The following XKR9 variants were observed in gnomAD, a reference collection of about 807,000 sequenced individuals.
XKR9 encodes the protein XK-related protein 9.
A neutral mutation model predicts 32.0 loss-of-function variants in XKR9; 32 were observed. The ratio of observed to expected loss-of-function variants is 1.00; its 90% CI spans 0.76 to 1.34. The LOEUF (loss-of-function observed/expected upper bound fraction) is 1.34, where lower values mean the gene tolerates loss of function less well. Among genes scored for constraint, XKR9 ranks in the 40% most tolerant of loss-of-function variants. The pLI, the probability that XKR9 is intolerant of heterozygous loss-of-function variation, is 0.00. For missense variants in XKR9, 546 were observed against 429.7 expected (o/e 1.27, Z -2.39); for synonymous variants, 168 against 143.4 (o/e 1.17, Z -1.22).
the XKR9 span, among the ~76,000 whole-genome samples, chr8:71,064,331 T>G: frequency 6.6e-6 from 1 of 152,174 alleles, no homozygotes; most frequent in African/African-American, 2.4e-5. Flanking sequence ...TAAAAATTAA[T>G]AATACCAGTA....
At chr8:70,670,814 A>G (rs1818691325) in intron 1 of XKR9, among the ~76,000 whole-genome samples, 1 of 152,192 alleles carries the variant, frequency 6.6e-6, no homozygotes, top group African/African-American at 2.4e-5. Context: ...AAAGTAACCA[A>G]ATCTCCTACA....
the XKR9 span, among the ~76,000 whole-genome samples, chr8:71,039,037 C>A: frequency 6.6e-6 from 1 of 151,990 alleles, no homozygotes. Flanking sequence ...CTCCTGACCT[C>A]AAGTGATCCG....
chr8:70,936,471 C>T, the XKR9 span, among the ~76,000 whole-genome samples: 1 of 152,026 alleles, frequency 6.6e-6, no homozygotes. Flanking sequence ...TTTTCATGAA[C>T]TCTCTGTGGG....
At chr8:71,034,075 TGGTGAAATGTGA>T in the XKR9 span, among the ~76,000 whole-genome samples, 1 of 152,216 alleles carries the variant, frequency 6.6e-6, no homozygotes. Flanking sequence ...CCATAGAGTA[TGGTGAAATGTGA>T]CTTCTGAGGC....
chr8:71,041,305 G>A, the XKR9 span, among the ~76,000 whole-genome samples: 1 of 152,150 alleles, frequency 6.6e-6, no homozygotes, highest in Admixed American at 6.5e-5. Flanking sequence ...CCAAGTGTCT[G>A]CCTATGTTTG....
chr8:71,017,280 AAC>A, the XKR9 span, among the ~76,000 whole-genome samples: 2 of 152,202 alleles, frequency 1.3e-5, no homozygotes, highest in African/African-American at 4.8e-5. Context: ...AGTTTGGGTA[AAC>A]ACATCTAAAT....
chr8:70,798,559 G>T, the XKR9 span, among the ~76,000 whole-genome samples: 6 of 152,240 alleles, frequency 3.9e-5, no homozygotes, highest in South Asian at 1.2e-3. Context: ...AGTTTAATCA[G>T]GTCCCATTTG....
At chr8:71,000,502 A>G in the XKR9 span, among the ~76,000 whole-genome samples, 12 of 152,196 alleles carry the variant, frequency 7.9e-5, no homozygotes, top group African/African-American at 2.9e-4. Context: ...TTTTATTTAA[A>G]TTTCAGCTGG....
the XKR9 span, among the ~76,000 whole-genome samples, chr8:70,810,275 G>A: frequency 2.2e-4 from 33 of 152,270 alleles, no homozygotes; most frequent in African/African-American, 6.7e-4. Flanking sequence ...TGCCCTAAAA[G>A]AGCTCCTGAA....
the XKR9 span, among the ~76,000 whole-genome samples, chr8:70,812,784 A>G: frequency 6.6e-6 from 1 of 152,212 alleles, no homozygotes. Flanking sequence ...TGCTCAGTGA[A>G]ATAAAAGAGG....
At chr8:71,032,913 C>T in the XKR9 span, among the ~76,000 whole-genome samples, 15 of 152,124 alleles carry the variant, frequency 9.9e-5, no homozygotes, top group South Asian at 2.3e-3. Flanking sequence ...GGCGAAACCC[C>T]GTCTCTGCTA....
chr8:70,959,911 T>C, the XKR9 span, among the ~76,000 whole-genome samples: 2 of 152,316 alleles, frequency 1.3e-5, no homozygotes, highest in South Asian at 4.1e-4. Context: ...TGTTTAATCA[T>C]ATATAATTTT....
chr8:70,838,306 A>T, the XKR9 span, among the ~76,000 whole-genome samples: 1 of 152,176 alleles, frequency 6.6e-6, no homozygotes, highest in African/African-American at 2.4e-5. Flanking sequence ...GGTGAAAGTG[A>T]GGCTTAGAGA....
chr8:71,042,603 A>G, the XKR9 span, among the ~76,000 whole-genome samples: 1 of 152,074 alleles, frequency 6.6e-6, no homozygotes, highest in Non-Finnish European at 1.5e-5. Flanking sequence ...TTTTTCTCTC[A>G]GTATCTTAAA....
At chr8:70,709,244 C>G (rs1336649832) in intron 4 of XKR9, among the ~76,000 whole-genome samples, 2 of 152,080 alleles carry the variant, frequency 1.3e-5, no homozygotes, top group African/African-American at 2.4e-5. Flanking sequence ...ATTCAACATC[C>G]CTTTATGTTA....
chr8:70,745,419 A>T (rs1807045399), intron 2 of XKR9, among the ~76,000 whole-genome samples: 1 of 152,158 alleles, frequency 6.6e-6, no homozygotes, highest in Non-Finnish European at 1.5e-5. Context: ...ACTCATATGC[A>T]CCTATATACA....
chr8:70,877,248 C>A, the XKR9 span, among the ~76,000 whole-genome samples: 6 of 152,158 alleles, frequency 3.9e-5, no homozygotes, highest in Non-Finnish European at 8.8e-5. Flanking sequence ...TTTATCTCCA[C>A]CTGGTCCCAC....
chr8:70,761,728 G>A (rs1348746998), intron 2 of XKR9, among the ~76,000 whole-genome samples: 6 of 151,176 alleles, frequency 4.0e-5, no homozygotes, highest in Non-Finnish European at 5.9e-5. Context: ...TTTTGCTTTT[G>A]TTGCAATTAC....
At chr8:70,960,746 C>A in the XKR9 span, among the ~76,000 whole-genome samples, 1 of 151,840 alleles carries the variant, frequency 6.6e-6, no homozygotes, top group Non-Finnish European at 1.5e-5. Context: ...GTGGCAAGTG[C>A]CTGTAGTCCC....
Sources: allele counts gnomAD v4.1 joint callset (sites outside exome capture counted in the v4.1 genomes callset), GRCh38; gene constraint gnomAD v4.1.1; transcripts MANE v1.5; gene names NCBI Gene and HGNC (gene_info 2026-07-23, HGNC 2026-07-21).